CELF2: variants seen among roughly 807,000 people sequenced by gnomAD.
CELF2 encodes the protein CUGBP Elav-like family member 2, also known as CUG triplet repeat RNA-binding protein 2.
A neutral mutation model predicts 62.6 loss-of-function variants in CELF2; 8 were observed. The ratio of observed to expected loss-of-function variants is 0.13; its 90% CI spans 0.07 to 0.23. The LOEUF (loss-of-function observed/expected upper bound fraction) is 0.23. CELF2 is among the 10% of genes least tolerant of loss of function. CELF2 has a pLI of 1.00. For missense variants in CELF2, 333 were observed against 671.0 expected, an observed-to-expected ratio of 0.50 and a Z score of 5.56; for synonymous variants, 258 against 250.0, an observed-to-expected ratio of 1.03 and a Z score of -0.30.
intron 1 of CELF2, among the ~76,000 whole-genome samples, chr10:10,830,056 A>G (rs2057719392): frequency 6.8e-6 from 1 of 147,756 alleles, no homozygotes; most frequent in East Asian, 2.1e-4. Flanking sequence ...CCTGCCTGGC[A>G]TGAGTGTATC....
At chr10:10,805,417 A>C (rs755477374) in intron 1 of CELF2, among the ~76,000 whole-genome samples, 2 of 152,178 alleles carry the variant, frequency 1.3e-5, no homozygotes, top group Non-Finnish European at 2.9e-5. Context: ...TTCCCTTAGG[A>C]ATATTTGAAG....
At chr10:10,895,887 T>C (rs1332806606) in intron 1 of CELF2, among the ~76,000 whole-genome samples, 1 of 152,162 alleles carries the variant, frequency 6.6e-6, no homozygotes, top group African/African-American at 2.4e-5. Context: ...CTTACTGCTT[T>C]GAGAGAGTTT....
intron 1 of CELF2, among the ~76,000 whole-genome samples, chr10:11,101,609 A>G (rs2051665741): frequency 6.6e-6 from 1 of 152,226 alleles, no homozygotes; most frequent in Non-Finnish European, 1.5e-5. Flanking sequence ...TATTGGCAAC[A>G]TCATGATCTA....
chr10:10,576,873 G>A, the CELF2 span, among the ~76,000 whole-genome samples: 2,236 of 152,290 alleles, frequency 0.015, 39 homozygotes, highest in East Asian at 0.094. Flanking sequence ...TACTGGAAAT[G>A]TGGTGCTCCT....
At chr10:11,080,812 T>C (rs563003584) in intron 1 of CELF2, among the ~76,000 whole-genome samples, 1 of 152,346 alleles carries the variant, frequency 6.6e-6, no homozygotes, top group East Asian at 1.9e-4. Context: ...AAAGTCCTGA[T>C]AGTCACCTAA....
chr10:11,077,262 C>G (rs1279738965), intron 1 of CELF2, among the ~76,000 whole-genome samples: 1 of 152,198 alleles, frequency 6.6e-6, no homozygotes, highest in African/African-American at 2.4e-5. Flanking sequence ...CCAGAACAAA[C>G]CCCAGCAAAA....
At chr10:11,325,747 C>A (rs906224837) in intron 11 of CELF2, 89 bp from the exon 12 acceptor site, 2 of 1,176,450 alleles carry the variant, frequency 1.7e-6, no homozygotes, top group African/African-American at 1.5e-5. Flanking sequence ...AAATGCTTAG[C>A]CTACCTGTTG....
the CELF2 span, among the ~76,000 whole-genome samples, chr10:10,488,635 G>T: frequency 3.3e-5 from 5 of 151,894 alleles, no homozygotes. Context: ...AGAAATGGCA[G>T]GTATTATTAT....
the CELF2 span, among the ~76,000 whole-genome samples, chr10:10,650,949 A>G: frequency 6.6e-6 from 1 of 152,028 alleles, no homozygotes; most frequent in Non-Finnish European, 1.5e-5. Context: ...CTGCATTTCC[A>G]TCTGAGGTAC....
chr10:11,029,699 G>T (rs558643896), intron 1 of CELF2, among the ~76,000 whole-genome samples: 4 of 152,238 alleles, frequency 2.6e-5, no homozygotes, highest in Non-Finnish European at 5.9e-5. Flanking sequence ...GGAAAACTAG[G>T]TCTGTGGCTG....
chr10:10,769,177 T>G, the CELF2 span, among the ~76,000 whole-genome samples: 1 of 152,156 alleles, frequency 6.6e-6, no homozygotes, highest in Non-Finnish European at 1.5e-5. Context: ...ATGCAGAGAT[T>G]AAAGCTGTGG....
At chr10:11,155,115 C>A in intron 1 of CELF2, among the ~76,000 whole-genome samples, 1 of 152,208 alleles carries the variant, frequency 6.6e-6, no homozygotes, top group East Asian at 1.9e-4. Context: ...AAAGCTTCTC[C>A]TTTAAGGCAC....
chr10:10,577,588 C>T, the CELF2 span, among the ~76,000 whole-genome samples: 1 of 151,508 alleles, frequency 6.6e-6, no homozygotes, highest in East Asian at 2.0e-4. Flanking sequence ...CAATTCCCAC[C>T]TATGAGTGAG....
At position 11,068,921 on chromosome 10, in the gene CELF2, G is replaced by T. The variant is rs550345796; in HGVS notation, c.74+50758G>T. Reference sequence around the variant, plus strand: ...TGTCTTAGCATTACCACATAGCTCTGTTGGACCTTTTGTACACCTAAGACA... The same window carrying T: ...TGTCTTAGCATTACCACATAGCTCTTTTGGACCTTTTGTACACCTAAGACA... On this transcript the variant is annotated intron_variant, in intron 1 of 12. Transcript: ENST00000633077. Among the ~76,000 whole-genome samples the T allele has an allele frequency of 5.9e-5, 9 of 152,282 alleles. No homozygotes were observed. The Middle Eastern group carries it at 0.01, about 173-fold the overall frequency.
rs2050844296 is a variant in CELF2 at position 10,972,375 on chromosome 10, T to A, written c.89+52376T>A. ...GTTTTGCTTTAACCTGGAAAACTCA[T>A]CTTATTTAAAACTAGGAATATCCTC... On this transcript the variant is annotated intron_variant, in intron 2 of 13. Transcript: ENST00000636488. This position sits in a 1 kb window ranked among gnomAD's most constrained non-coding sequence, Gnocchi z 4.4. Among the ~76,000 whole-genome samples, 1 of 152,208 alleles carries A rather than the reference T, an allele frequency of 6.6e-6. No homozygotes were observed. The highest frequency in any genetic ancestry group is 1.5e-5 in the Non-Finnish European group (1 of 68,026).
At position 11,270,607 on chromosome 10, in the gene CELF2, G is replaced by A. The variant is rs1015910204; in HGVS notation, c.619-59G>A. On this transcript the variant is annotated intron_variant, in intron 6 of 12. Coordinates refer to ENST00000633077, the MANE Select transcript of CELF2 (RefSeq NM_001326342.2). This position sits in a 1 kb window ranked among gnomAD's most constrained non-coding sequence, Gnocchi z 5.8. ...AAAGGTAGCTCCGGTGCTGAGTGTC[G>A]TGAGCGGATTCCGCCAGCCTGTAAC... 4.8e-5 allele frequency: 65 copies of A among 1,349,426 alleles called. No individual in the cohort carries two copies. In the African/African-American group the frequency reaches 5.2e-4, roughly 11 times the overall value. The allele number at this position is 1,349,426 out of a possible 1,614,324, so 83.6% of individuals were successfully genotyped here. A position where few individuals can be genotyped will look rare whatever the true frequency, so the allele number is the denominator to read the frequency against.
chr10:10,585,504 T>G, the CELF2 span, among the ~76,000 whole-genome samples: 2 of 152,210 alleles, frequency 1.3e-5, no homozygotes, highest in East Asian at 3.8e-4. Flanking sequence ...TTCAGCTGAT[T>G]GTGTTAGAAT....
In CELF2 at chr10:10,823,523, G is replaced by C. The variant is rs1311353695; in HGVS notation, c.53+24706G>C. Among the ~76,000 whole-genome samples, 11 of 152,082 alleles carry C rather than the reference G, an allele frequency of 7.2e-5. No individual in the cohort carries two copies. In the East Asian group the frequency reaches 1.7e-3, roughly 24 times the overall value. ...CTGTAGGTGACAGAAATAACATAAG[G>C]GCTTTTGTTATCTGAGCTGTGTCTG... On this transcript the variant is annotated intron_variant, in intron 1 of 13. Transcript: ENST00000636488.
intron 2 of CELF2, among the ~76,000 whole-genome samples, chr10:10,996,391 G>A (rs1001564077): frequency 6.6e-6 from 1 of 152,164 alleles, no homozygotes; most frequent in Non-Finnish European, 1.5e-5. Flanking sequence ...GGTTAGCGTC[G>A]GTGAAGGCAA....
Sources: allele counts gnomAD v4.1 joint callset (sites outside exome capture counted in the v4.1 genomes callset), GRCh38; gene constraint gnomAD v4.1.1; non-coding constraint Gnocchi (gnomAD v3.1); transcripts MANE v1.5; gene names NCBI Gene and HGNC (gene_info 2026-07-23, HGNC 2026-07-21).